Variants in TMEM178A observed in about 807,000 individuals in gnomAD.
TMEM178A encodes transmembrane protein 178.
Under a neutral mutation model 29.1 loss-of-function variants are expected in TMEM178A, and 12 were observed. The ratio of observed to expected loss-of-function variants is 0.41; its 90% CI spans 0.26 to 0.67. The LOEUF (loss-of-function observed/expected upper bound fraction) is 0.67, where lower values mean the gene tolerates loss of function less well. Ranked by LOEUF, TMEM178A falls within the 30% of genes least tolerant of loss-of-function variation. The pLI, the probability that TMEM178A is intolerant of heterozygous loss-of-function variation, is 0.29. For missense variants in TMEM178A, 366 were observed against 419.1 expected (o/e 0.87, Z 1.11); for synonymous variants, 210 against 187.2 (o/e 1.12, Z -0.99).
rs137966183 is a variant in TMEM178A at position 39,698,798 on chromosome 2, T to C, written c.401-5283T>C. Among the ~76,000 whole-genome samples the C allele has an allele frequency of 8.7e-4, 133 of 152,306 alleles. No homozygotes were observed. In the East Asian group the frequency reaches 0.02, roughly 23 times the overall value. On this transcript the variant is annotated intron_variant, in intron 1 of 3. Coordinates refer to ENST00000281961, the MANE Select transcript of TMEM178A (RefSeq NM_152390.3). ...AAGCCATCTGGTCATGGAATTTTCT[T>C]TGTGGCAAGTTTTTACTAAGTTAAT...
At chr2:39,703,975 C>A (rs896835604) in intron 1 of TMEM178A, 106 bp from the exon 2 acceptor site, 2 of 755,264 alleles carry the variant, frequency 2.6e-6, no homozygotes, top group African/African-American at 3.5e-5. Flanking sequence ...AGATTCTTAT[C>A]CCATCTCCCA....
At position 39,666,153 on chromosome 2, in the gene TMEM178A, T is replaced by C; in HGVS notation, c.179T>C (p.Met60Thr). 2 of 1,508,402 alleles carry C rather than the reference T, an allele frequency of 1.3e-6. No homozygotes were observed. The highest frequency in any genetic ancestry group is 2.2e-5 in the Admixed American group (1 of 45,602). 93.4% of individuals were successfully genotyped at this position (1,508,402 alleles called of 1,614,324 possible). A position where few individuals can be genotyped will look rare whatever the true frequency, so the allele number is the denominator to read the frequency against. ...CCCCCGGACCAGAAGAACCGCCTGATGCCGCTGTCGCACCTGCCGCTGCGG... is the reference window on the plus strand; with the variant it reads ...CCCCCGGACCAGAAGAACCGCCTGACGCCGCTGTCGCACCTGCCGCTGCGG... Reference protein sequence around the residue: ...ADPPDQKNRLMPLSHLPLRDS... With the variant: ...ADPPDQKNRLTPLSHLPLRDS... The change falls in exon 1 of 4, where the codon ATG becomes ACG. Residue 60 changes from methionine to threonine, a missense_variant. Coordinates refer to ENST00000281961, the MANE Select transcript of TMEM178A (RefSeq NM_152390.3).
At chr2:39,666,660 C>G (rs1224595089) in intron 1 of TMEM178A, among the ~76,000 whole-genome samples, 1 of 152,210 alleles carries the variant, frequency 6.6e-6, no homozygotes, top group Non-Finnish European at 1.5e-5. Flanking sequence ...GCCTTCGCCT[C>G]CCATTCCCCG....
In TMEM178A at chr2:39,707,075, C is replaced by T. The variant is rs1197973099; in HGVS notation, c.541C>T (p.Leu181Phe). 6.2e-7 allele frequency: 1 copy of T among 1,612,060 alleles called. No individual in the cohort carries two copies. ...LHLRRITAGFLGMAVAVLLCG... is the reference protein window; with the variant it reads ...LHLRRITAGFFGMAVAVLLCG... ...TTTAAGAAGAATCACTGCTGGCTTC[C>T]TCGGCATGGCCGTAGCCGTCCTTCT... The change falls in exon 3 of 4, where the codon CTC (leucine) becomes TTC (phenylalanine). Residue 181 changes from leucine (L) to phenylalanine (F), a missense_variant. Leu to Phe is a conservative substitution (Grantham distance 22, BLOSUM62 0). Around this residue, in one of 2 missense-constraint regions of TMEM178A, gnomAD observed 119 missense variants for 172.2 expected, o/e 0.69. Coordinates refer to ENST00000281961, the MANE Select transcript of TMEM178A (RefSeq NM_152390.3).
chr2:39,672,919 G>A (rs1311958650), intron 1 of TMEM178A, among the ~76,000 whole-genome samples: 1 of 152,152 alleles, frequency 6.6e-6, no homozygotes, highest in Non-Finnish European at 1.5e-5. Flanking sequence ...TTGAGAAAAT[G>A]TCAATGCTAA....
intron 1 of TMEM178A, among the ~76,000 whole-genome samples, chr2:39,672,060 T>C (rs1670428981): frequency 6.6e-6 from 1 of 152,246 alleles, no homozygotes. Context: ...TTTGTAGTTT[T>C]AGCTTGTTCC....
the TMEM178A span, among the ~76,000 whole-genome samples, chr2:39,728,256 C>G: frequency 2.6e-5 from 4 of 152,156 alleles, no homozygotes; most frequent in Non-Finnish European, 5.9e-5. Flanking sequence ...GCCATTCTAA[C>G]TGGCGTGAGA....
the TMEM178A span, among the ~76,000 whole-genome samples, chr2:39,730,477 A>T: frequency 6.6e-6 from 1 of 152,104 alleles, no homozygotes; most frequent in East Asian, 1.9e-4. Context: ...CTTTCTAGAC[A>T]ATTCCTGTAA....
chr2:39,733,709 G>T, the TMEM178A span, among the ~76,000 whole-genome samples: 1 of 152,066 alleles, frequency 6.6e-6, no homozygotes, highest in Non-Finnish European at 1.5e-5. Flanking sequence ...TGTTTGCAAT[G>T]GTTTTCCCCA....
chr2:39,707,810 T>C (rs1430632936), intron 3 of TMEM178A, among the ~76,000 whole-genome samples: 4 of 152,210 alleles, frequency 2.6e-5, no homozygotes, highest in African/African-American at 9.6e-5. Flanking sequence ...TGGCCTGGAC[T>C]CTTGGCAAAC....
rs138730485 is a variant in TMEM178A, at chr2:39,684,909, C to T, written c.400+18535C>T. Among the ~76,000 whole-genome samples, 11 of 152,306 alleles carry T rather than the reference C, an allele frequency of 7.2e-5. No individual in the cohort carries two copies. The East Asian group carries it at 1.3e-3, about 19-fold the overall frequency. On this transcript the variant is annotated intron_variant, in intron 1 of 3. Transcript: ENST00000281961. The stretch of plus-strand genomic sequence containing the variant: ...TGCCACCCACACGTGCCCCTGGACC[C>T]GGCTGAGTTTGACAAAGGAAGGATT...
At chr2:39,734,595 CTTTG>C in the TMEM178A span, among the ~76,000 whole-genome samples, 1 of 152,210 alleles carries the variant, frequency 6.6e-6, no homozygotes, top group East Asian at 1.9e-4. Flanking sequence ...AACATCTCCA[CTTTG>C]TTTAATGCAT....
chr2:39,676,425 G>C (rs1670626244), intron 1 of TMEM178A, among the ~76,000 whole-genome samples: 1 of 152,178 alleles, frequency 6.6e-6, no homozygotes. Flanking sequence ...AATTCTGTGA[G>C]TGAGCTAGGA....
chr2:39,693,150 A>G (rs974483694), intron 1 of TMEM178A, among the ~76,000 whole-genome samples: 1 of 152,148 alleles, frequency 6.6e-6, no homozygotes, highest in Non-Finnish European at 1.5e-5. Flanking sequence ...AAAACAAAAA[A>G]CAACAACAAC....
At position 39,696,205 on chromosome 2, in the gene TMEM178A, A is replaced by G. The variant is rs539711093; in HGVS notation, c.401-7876A>G. ...TAGCAAATTCTTCAGGAGTGAGGTG[A>G]TGGGAGTCTTGTTCTAAAGTGGCGA... On this transcript the variant is annotated intron_variant, in intron 1 of 3. Transcript: ENST00000281961. Among the ~76,000 whole-genome samples the G allele has an allele frequency of 5.3e-5, 8 of 152,286 alleles. No individual in the cohort carries two copies. In the East Asian group the frequency reaches 1.5e-3, roughly 29 times the overall value.
chr2:39,712,041 T>TTGTGTGTGTGTGTG (rs61303746), intron 3 of TMEM178A, among the ~76,000 whole-genome samples: 10,851 of 139,178 alleles, frequency 0.078, 509 homozygotes, highest in Admixed American at 0.14. Flanking sequence ...GAATTGCATT[T>TTGTGTGTGTGTGTG]TGTGTGTGTG....
chr2:39,726,713 A>G, the TMEM178A span, among the ~76,000 whole-genome samples: 4,166 of 152,254 alleles, frequency 0.027, 185 homozygotes, highest in African/African-American at 0.094. Flanking sequence ...GGTGAAGTCA[A>G]TCTCACAAAG....
At chr2:39,702,874 C>A (rs1671851161) in intron 1 of TMEM178A, among the ~76,000 whole-genome samples, 1 of 152,108 alleles carries the variant, frequency 6.6e-6, no homozygotes, top group African/African-American at 2.4e-5. Flanking sequence ...ACTTTTGATT[C>A]AGTATATCTG....
intron 1 of TMEM178A, among the ~76,000 whole-genome samples, chr2:39,681,870 T>C (rs1670884500): frequency 6.6e-6 from 1 of 152,210 alleles, no homozygotes; most frequent in Non-Finnish European, 1.5e-5. Flanking sequence ...AGAATAACAT[T>C]GGAACTGCTG....
Sources: gnomAD v4.1 joint callset for allele counts (sites outside exome capture counted in the v4.1 genomes callset) on GRCh38, gnomAD v4.1.1 for gene constraint, gnomAD v4.1.1 regional missense constraint, MANE v1.5 for transcripts, NCBI Gene and HGNC (gene_info 2026-07-23, HGNC 2026-07-21) for gene names.